Variants in RIMS2 observed in about 807,000 individuals in gnomAD.
The protein encoded by RIMS2 is regulating synaptic membrane exocytosis protein 2.
In RIMS2, 59 loss-of-function variants were observed where a neutral mutation model predicts 174.4. That is an observed-to-expected ratio of 0.34 (90% CI 0.27 to 0.42). The LOEUF is 0.42. Among genes scored for constraint, RIMS2 ranks in the 10% least tolerant of loss-of-function variants. RIMS2 has a pLI of 1.00. For synonymous variants in RIMS2, 606 were observed against 572.5 expected (o/e 1.06, Z -0.84); for missense variants, 1,620 against 1,666.3 (o/e 0.97, Z 0.48).
chr8:104,025,414 G>C (rs1229572909), intron 19 of RIMS2, among the ~76,000 whole-genome samples: 2 of 152,264 alleles, frequency 1.3e-5, no homozygotes, highest in East Asian at 3.9e-4. Context: ...CTGAGCCCAG[G>C]AGTTTGAGGC....
intron 1 of RIMS2, among the ~76,000 whole-genome samples, chr8:103,588,135 A>T (rs1012490893): frequency 6.6e-6 from 1 of 151,910 alleles, no homozygotes; most frequent in African/African-American, 2.4e-5. Flanking sequence ...AAAGAAAAAA[A>T]CAATTCTATT....
At chr8:104,147,351 A>G (rs1002148119) in intron 19 of RIMS2, among the ~76,000 whole-genome samples, 2 of 152,090 alleles carry the variant, frequency 1.3e-5, no homozygotes, top group East Asian at 1.9e-4. Context: ...ACTTCACTAT[A>G]TATTTTTTAA....
intron 1 of RIMS2, among the ~76,000 whole-genome samples, chr8:103,682,071 G>A (rs1364009795): frequency 6.6e-6 from 1 of 152,074 alleles, no homozygotes; most frequent in Non-Finnish European, 1.5e-5. Context: ...TTACTGATAT[G>A]GGGAACAATG....
At chr8:103,611,238 T>G (rs1033234278) in intron 1 of RIMS2, among the ~76,000 whole-genome samples, 4 of 152,170 alleles carry the variant, frequency 2.6e-5, no homozygotes, top group Non-Finnish European at 4.4e-5. Context: ...GTTTTAAAAC[T>G]TTTTGTTGTT....
At chr8:103,913,505 T>C (rs1402500139) in intron 6 of RIMS2, among the ~76,000 whole-genome samples, 1 of 152,096 alleles carries the variant, frequency 6.6e-6, no homozygotes, top group Non-Finnish European at 1.5e-5. Context: ...ATAAGAGATA[T>C]TAGGAAACTT....
At chr8:103,871,075 A>G (rs2099109177) in intron 3 of RIMS2, among the ~76,000 whole-genome samples, 4 of 152,282 alleles carry the variant, frequency 2.6e-5, no homozygotes, top group Admixed American at 2.6e-4. Context: ...TTTCAAATTC[A>G]TTGTGCAAAG....
At chr8:104,054,696 T>A (rs928455082) in intron 19 of RIMS2, among the ~76,000 whole-genome samples, 2 of 152,146 alleles carry the variant, frequency 1.3e-5, no homozygotes, top group African/African-American at 4.8e-5. Context: ...TCTGTTCTTA[T>A]ATTAGAATCT....
chr8:104,172,984 G>A (rs1280792850), intron 19 of RIMS2, among the ~76,000 whole-genome samples: 1 of 152,162 alleles, frequency 6.6e-6, no homozygotes, highest in East Asian at 1.9e-4. Flanking sequence ...CTCCATTGTT[G>A]TGAAAGAGTG....
intron 1 of RIMS2, among the ~76,000 whole-genome samples, chr8:103,633,533 GATGATGCTGGCCTCACAAAATGAAT>G (rs2095998487): frequency 6.6e-6 from 1 of 152,138 alleles, no homozygotes. Context: ...TTGGTATCAA[GATGATGCTGGCCTCACAAAATGAAT>G]TGGGAGGTGT....
intron 3 of RIMS2, among the ~76,000 whole-genome samples, chr8:103,868,593 T>A (rs1161818229): frequency 6.6e-6 from 1 of 152,148 alleles, no homozygotes; most frequent in Non-Finnish European, 1.5e-5. Flanking sequence ...AGATTAAACA[T>A]ACTTTTTAAA....
exon 19 of RIMS2, chr8:104,014,557 C>T (rs763001976): frequency 1.9e-6 from 3 of 1,613,180 alleles, no homozygotes; most frequent in South Asian, 1.1e-5. Flanking sequence ...GTACTCCAGT[C>T]GCAGGACGAA....
chr8:103,754,935 G>A (rs2097960438), intron 2 of RIMS2, among the ~76,000 whole-genome samples: 1 of 152,068 alleles, frequency 6.6e-6, no homozygotes, highest in African/African-American at 2.4e-5. Context: ...TACATTTAAG[G>A]TTAATATTGT....
intron 10 of RIMS2, among the ~76,000 whole-genome samples, chr8:103,925,785 C>G (rs2078657987): frequency 6.6e-6 from 1 of 151,500 alleles, no homozygotes; most frequent in Non-Finnish European, 1.5e-5. Context: ...ACGTAAAGTT[C>G]AGAGTGTTCT....
exon 4 of RIMS2, chr8:103,885,645 A>G (rs750932195): frequency 4.3e-6 from 7 of 1,612,954 alleles, no homozygotes; most frequent in Non-Finnish European, 5.9e-6. Flanking sequence ...CCACAACCCT[A>G]TGAAGAACAA....
intron 3 of RIMS2, among the ~76,000 whole-genome samples, chr8:103,836,201 T>C (rs956590801): frequency 1.3e-5 from 2 of 152,182 alleles, no homozygotes; most frequent in Admixed American, 1.3e-4. Flanking sequence ...GTATAAGAAA[T>C]GAAAAGTGTG....
chr8:103,987,554 T>C (rs1596459866), intron 16 of RIMS2, among the ~76,000 whole-genome samples: 2 of 152,192 alleles, frequency 1.3e-5, no homozygotes, highest in East Asian at 3.9e-4. Context: ...TTTAGAGAAA[T>C]TTACATTAAT....
chr8:103,720,157 C>G (rs939861868), intron 2 of RIMS2, among the ~76,000 whole-genome samples: 4 of 152,100 alleles, frequency 2.6e-5, no homozygotes, highest in African/African-American at 9.7e-5. Context: ...GCAGCTGCAG[C>G]TATGATGTTC....
chr8:103,933,287 TGA>T (rs1565390437), intron 12 of RIMS2, among the ~76,000 whole-genome samples: 1 of 60,152 alleles, frequency 1.7e-5, no homozygotes, highest in Non-Finnish European at 2.7e-5. Flanking sequence ...ATCGAGACTC[TGA>T]CACACACACA....
chr8:103,998,540 ATAACAGTATTATCTTTAAAT>A (rs145191772), intron 17 of RIMS2, among the ~76,000 whole-genome samples: 3,883 of 151,818 alleles, frequency 0.026, 145 homozygotes, highest in African/African-American at 0.086. Context: ...CAAATATAGA[ATAACAGTATTATCTTTAAAT>A]TAACTCCAGT....
Sources: allele counts gnomAD v4.1 joint callset (sites outside exome capture counted in the v4.1 genomes callset), GRCh38; gene constraint gnomAD v4.1.1; transcripts MANE v1.5; gene names NCBI Gene and HGNC (gene_info 2026-07-23, HGNC 2026-07-21).